ADAMTSL1: variants seen among roughly 807,000 people sequenced by gnomAD.
ADAMTSL1 encodes ADAMTS like 1.
ADAMTSL1 carries 126 observed loss-of-function variants against 201.8 expected under a neutral mutation model. The observed-to-expected ratio is 0.62, with a 90% confidence interval of 0.54 to 0.72. The LOEUF (loss-of-function observed/expected upper bound fraction) is 0.72. Among genes scored for constraint, ADAMTSL1 ranks in the 30% least tolerant of loss-of-function variants. The pLI, the probability that ADAMTSL1 is intolerant of heterozygous loss-of-function variation, is 0.00. For synonymous variants in ADAMTSL1, 1,121 were observed against 903.4 expected (o/e 1.24, Z -4.32); for missense variants, 2,679 against 2,277.8 (o/e 1.18, Z -3.59).
intron 1 of ADAMTSL1, among the ~76,000 whole-genome samples, chr9:18,482,346 G>A (rs1362099161): frequency 1.3e-5 from 2 of 152,158 alleles, no homozygotes; most frequent in African/African-American, 4.8e-5. Flanking sequence ...TGGTATGTTT[G>A]CCAATTCTAC....
At chr9:18,378,037 T>C (rs1043570871) in intron 2 of ADAMTSL1, among the ~76,000 whole-genome samples, 1 of 152,190 alleles carries the variant, frequency 6.6e-6, no homozygotes, top group African/African-American at 2.4e-5. Context: ...GAGCCCCCGA[T>C]GATGAGAACT....
intron 23 of ADAMTSL1, among the ~76,000 whole-genome samples, chr9:18,848,768 G>A (rs956456488): frequency 3.9e-5 from 6 of 152,268 alleles, no homozygotes; most frequent in East Asian, 1.9e-4. Context: ...CCCCTGTTGC[G>A]GGTATTCAAC....
intron 27 of ADAMTSL1, 88 bp from the exon 28 acceptor site, chr9:18,906,604 A>G (rs1465588159): frequency 1.8e-6 from 2 of 1,122,716 alleles, no homozygotes; most frequent in Non-Finnish European, 2.5e-6. Flanking sequence ...ACCACCTAAC[A>G]TTTCTGAGTT....
chr9:17,993,243 C>A (rs1176000950), intron 1 of ADAMTSL1, among the ~76,000 whole-genome samples: 1 of 151,998 alleles, frequency 6.6e-6, no homozygotes, highest in African/African-American at 2.4e-5. Context: ...CACATCTGGC[C>A]TTTTATGAAG....
intron 16 of ADAMTSL1, among the ~76,000 whole-genome samples, chr9:18,761,002 C>G (rs1032941835): frequency 6.6e-6 from 1 of 152,176 alleles, no homozygotes; most frequent in South Asian, 2.1e-4. Context: ...GGCTTAGTAA[C>G]CATTTTTTAT....
intron 12 of ADAMTSL1, among the ~76,000 whole-genome samples, 183 bp from the exon 13 acceptor site, chr9:18,684,533 A>G (rs1403725094): frequency 1.3e-5 from 2 of 152,234 alleles, no homozygotes; most frequent in African/African-American, 4.8e-5. Context: ...TAGTATTATT[A>G]AACATTTTAA....
intron 23 of ADAMTSL1, among the ~76,000 whole-genome samples, chr9:18,844,288 G>T (rs530823381): frequency 6.6e-6 from 1 of 152,316 alleles, no homozygotes; most frequent in African/African-American, 2.4e-5. Flanking sequence ...GTTGGAGTTT[G>T]CTAGAGGTCC....
chr9:18,907,627 A>C (rs943531), intron 28 of ADAMTSL1: 25,981 of 152,328 alleles, frequency 0.17, 3,956 homozygotes, highest in African/African-American at 0.41. Flanking sequence ...ACTGGGCCTC[A>C]CTGAGCAATA....
At chr9:17,930,292 G>C (rs1189078393) in intron 1 of ADAMTSL1, among the ~76,000 whole-genome samples, 1 of 152,058 alleles carries the variant, frequency 6.6e-6, no homozygotes, top group Non-Finnish European at 1.5e-5. Flanking sequence ...GGTCACCCTG[G>C]TGCCTGTATC....
chr9:18,383,217 G>T (rs1381429155), intron 2 of ADAMTSL1, among the ~76,000 whole-genome samples: 1 of 152,074 alleles, frequency 6.6e-6, no homozygotes, highest in Non-Finnish European at 1.5e-5. Flanking sequence ...TACAAATGTC[G>T]CAAAGTCTTC....
chr9:18,387,195 C>G (rs544251970), intron 2 of ADAMTSL1, among the ~76,000 whole-genome samples: 1 of 152,004 alleles, frequency 6.6e-6, no homozygotes, highest in South Asian at 2.1e-4. Context: ...ACCAATATAA[C>G]AAACTGTTTT....
chr9:18,185,796 A>T (rs911374985), intron 2 of ADAMTSL1, among the ~76,000 whole-genome samples: 6 of 152,190 alleles, frequency 3.9e-5, no homozygotes, highest in African/African-American at 1.4e-4. Context: ...GTTTACAAGC[A>T]TTGGTTATGT....
intron 26 of ADAMTSL1, among the ~76,000 whole-genome samples, chr9:18,896,781 CAG>C (rs1249264619): frequency 1.8e-4 from 28 of 152,164 alleles, no homozygotes; most frequent in African/African-American, 5.8e-4. Flanking sequence ...GTTTGACACA[CAG>C]AGCTGTGCAG....
intron 2 of ADAMTSL1, among the ~76,000 whole-genome samples, chr9:18,356,940 A>C (rs1836275331): frequency 6.6e-6 from 1 of 152,172 alleles, no homozygotes; most frequent in Non-Finnish European, 1.5e-5. Flanking sequence ...CTCCTAGTAC[A>C]ACTTGTCCTG....
intron 1 of ADAMTSL1, among the ~76,000 whole-genome samples, chr9:18,486,658 TTG>T (rs1822011910): frequency 6.6e-6 from 1 of 152,220 alleles, no homozygotes; most frequent in Middle Eastern, 3.4e-3. Context: ...TGAGCCGAGA[TTG>T]TGTTGACTGC....
rs79245862 is a variant in ADAMTSL1, at chr9:18,397,458, A to C, written c.208-107371A>C. Among the ~76,000 whole-genome samples, 1,128 of 152,292 alleles carry C rather than the reference A, an allele frequency of 7.4e-3. 20 individuals are homozygous for C. Among genetic ancestry groups the C allele is most frequent in the African/African-American group, 0.026 (1,076 of 41,574 alleles). ...CTCAAGATGAAAAATCTAATAATAG[A>C]CTTGCAATTAAGAGGGCTACATCAT... is the stretch of plus-strand genomic sequence containing the variant. On this transcript the variant is annotated intron_variant, in intron 2 of 29. Coordinates refer to the ADAMTSL1 transcript ENST00000680146.
At chr9:18,002,765 G>C (rs1445611911) in intron 1 of ADAMTSL1, among the ~76,000 whole-genome samples, 2 of 151,996 alleles carry the variant, frequency 1.3e-5, no homozygotes, top group African/African-American at 4.8e-5. Flanking sequence ...GGTCCAAAGA[G>C]CACTTAGCAG....
intron 23 of ADAMTSL1, among the ~76,000 whole-genome samples, chr9:18,878,824 C>G (rs567962848): frequency 2.0e-5 from 3 of 152,260 alleles, no homozygotes; most frequent in African/African-American, 4.8e-5. Flanking sequence ...CATTTTTCCC[C>G]TCAGGATTAT....
intron 2 of ADAMTSL1, among the ~76,000 whole-genome samples, chr9:18,324,632 T>C (rs2132871608): frequency 6.6e-6 from 1 of 151,870 alleles, no homozygotes; most frequent in South Asian, 2.1e-4. Context: ...GGCATGGTGG[T>C]GTATGACTGT....
Sources: gnomAD v4.1 joint callset for allele counts (sites outside exome capture counted in the v4.1 genomes callset) on GRCh38, gnomAD v4.1.1 for gene constraint, MANE v1.5 for transcripts, NCBI Gene and HGNC (gene_info 2026-07-23, HGNC 2026-07-21) for gene names.